The following PBRM1 variants were observed in gnomAD, a reference collection of about 807,000 sequenced individuals.
PBRM1 encodes polybromo 1.
In PBRM1, 27 loss-of-function variants were observed where a neutral mutation model predicts 194.5. The ratio of observed to expected loss-of-function variants is 0.14; its 90% CI spans 0.10 to 0.19. The LOEUF (loss-of-function observed/expected upper bound fraction) is 0.19. Ranked by LOEUF, PBRM1 falls within the 10% of genes least tolerant of loss-of-function variation. The pLI is 1.00. For synonymous variants in PBRM1, 655 were observed against 693.2 expected, an observed-to-expected ratio of 0.94 and a Z score of 0.87; for missense variants, 1,466 against 2,077.2, an observed-to-expected ratio of 0.71 and a Z score of 5.72.
At chr3:52,620,607 G>A (rs2153522801) in intron 13 of PBRM1, among the ~76,000 whole-genome samples, 1 of 152,232 alleles carries the variant, frequency 6.6e-6, no homozygotes, top group South Asian at 2.1e-4. Context: ...ATTAAATTTT[G>A]CCAGTGAAGT....
intron 29 of PBRM1, among the ~76,000 whole-genome samples, chr3:52,549,352 G>C (rs2080284861): frequency 6.6e-6 from 1 of 151,834 alleles, no homozygotes. Flanking sequence ...TTTTTGTAGA[G>C]ACGGGGTTTT....
chr3:52,635,537 G>A (rs1361325007), intron 10 of PBRM1, among the ~76,000 whole-genome samples: 2 of 152,122 alleles, frequency 1.3e-5, no homozygotes, highest in African/African-American at 4.8e-5. Context: ...CTGTACTCCA[G>A]CCTGGGTGAC....
At position 52,550,836 on chromosome 3, in the gene PBRM1, T is replaced by C; in HGVS notation, c.4610-19A>G. On this transcript the variant is annotated intron_variant, in intron 27 of 29. Transcript: ENST00000296302. ...ATCACACCTATAATTCAGAATGCAA[T>C]GGCACAGTTAGAGGCTCTGGGTTGA... 6.5e-7 allele frequency: 1 copy of C among 1,545,420 alleles called. No individual in the cohort carries two copies. The highest frequency in any genetic ancestry group is 8.9e-7 in the Non-Finnish European group (1 of 1,118,540).
chr3:52,623,717 G>A (rs1226739798), intron 13 of PBRM1, among the ~76,000 whole-genome samples: 1 of 152,120 alleles, frequency 6.6e-6, no homozygotes, highest in African/African-American at 2.4e-5. Flanking sequence ...TGAAGGTACT[G>A]TCATTAACTT....
At chr3:52,603,155 C>T (rs1276632116) in intron 17 of PBRM1, among the ~76,000 whole-genome samples, 1 of 152,212 alleles carries the variant, frequency 6.6e-6, no homozygotes, top group East Asian at 1.9e-4. Context: ...AGCAATGCTA[C>T]TGCATGATGT....
intron 17 of PBRM1, among the ~76,000 whole-genome samples, chr3:52,589,846 G>C (rs764676864): frequency 1.3e-5 from 2 of 151,236 alleles, no homozygotes; most frequent in African/African-American, 4.9e-5. Context: ...TATTTTTTTC[G>C]AGACGGAGTT....
intron 26 of PBRM1, 67 bp downstream of exon 28, chr3:52,558,182 A>T: frequency 8.2e-7 from 1 of 1,223,916 alleles, no homozygotes; most frequent in Non-Finnish European, 1.1e-6. Context: ...CCTACTCCTT[A>T]TTGGAGAAAA....
intron 2 of PBRM1, among the ~76,000 whole-genome samples, chr3:52,678,254 C>T (rs1009278321): frequency 6.6e-6 from 1 of 151,946 alleles, no homozygotes. Context: ...AGTGCATGCT[C>T]CTGTGCCTGG....
At chr3:52,545,952 A>G (rs1160579618), downstream of PBRM1, 1 of 232,884 alleles carries the variant, frequency 4.3e-6, no homozygotes. Context: ...TCTAAAATAA[A>G]TACACAGGCT....
At chr3:52,558,312 T>A in exon 26 of PBRM1, 1 of 1,549,878 alleles carries the variant, frequency 6.5e-7, no homozygotes, top group Non-Finnish European at 8.7e-7. Context: ...ACCACCCCCA[T>A]GAGAGCCCCC....
chr3:52,645,314 C>CT (rs1184588418), intron 7 of PBRM1, among the ~76,000 whole-genome samples: 3 of 151,036 alleles, frequency 2.0e-5, no homozygotes, highest in Non-Finnish European at 4.4e-5. Context: ...GCAGATTCAT[C>CT]TTTTTTTCTT....
intron 17 of PBRM1, among the ~76,000 whole-genome samples, chr3:52,597,699 C>T (rs1329440124): frequency 6.7e-6 from 1 of 148,944 alleles, no homozygotes; most frequent in African/African-American, 2.5e-5. Flanking sequence ...CGTGTGGTGG[C>T]ACATGCCTGT....
intron 20 of PBRM1, among the ~76,000 whole-genome samples, chr3:52,583,407 T>TA (rs1246561017): frequency 3.3e-4 from 47 of 142,388 alleles, no homozygotes; most frequent in Non-Finnish European, 4.6e-4. Flanking sequence ...AGACTCCATC[T>TA]AAAAAAAAAC....
chr3:52,561,699 G>A (rs2083576461), intron 25 of PBRM1, 68 bp downstream of exon 27: 7 of 1,339,252 alleles, frequency 5.2e-6, no homozygotes, highest in Non-Finnish European at 7.5e-6. Flanking sequence ...AGTAAAACCT[G>A]TCTGTGCGCG....
At chr3:52,661,519 G>C (rs562093786) in intron 4 of PBRM1, among the ~76,000 whole-genome samples, 134 of 152,296 alleles carry the variant, frequency 8.8e-4, no homozygotes, top group Non-Finnish European at 1.6e-3. Flanking sequence ...ACAACCCTGT[G>C]ATGACAGGGT....
At chr3:52,635,594 C>T (rs2095782189) in intron 10 of PBRM1, among the ~76,000 whole-genome samples, 1 of 151,914 alleles carries the variant, frequency 6.6e-6, no homozygotes, top group Admixed American at 6.6e-5. Context: ...AAAAAAACCT[C>T]TCAAATGTTT....
chr3:52,553,551 C>T (rs866794124), intron 27 of PBRM1, among the ~76,000 whole-genome samples: 4 of 145,020 alleles, frequency 2.8e-5, no homozygotes, highest in Admixed American at 7.0e-5. Context: ...TGCAGTGGTG[C>T]GATCACCACT....
At position 52,561,925 on chromosome 3, in the gene PBRM1, G is replaced by C. The variant is rs200783965; in HGVS notation, c.4130C>G (p.Ser1377Cys). ...GCCACTCATGTTGATTTTCCGTTTG[G>C]AGCCTTCCTTCTTTGCACTGCCTTT... The change falls in exon 25 of 30, where the codon TCC (serine) becomes TGC (cysteine). Residue 1377 changes from serine to cysteine, a missense_variant. Physicochemically the swap from Ser to Cys is moderately radical, Grantham distance 112 (BLOSUM62 -1). Around this residue, in one of 5 missense-constraint regions of PBRM1, gnomAD observed 687 missense variants for 946.2 expected, o/e 0.73. Coordinates refer to ENST00000296302, the Ensembl canonical transcript of PBRM1. 408 of 1,614,024 alleles carry C rather than the reference G, an allele frequency of 2.5e-4. 1 individual carries two copies. The highest frequency in any genetic ancestry group is 3.3e-4 in the Non-Finnish European group (390 of 1,180,034).
Position 52,645,334 on chromosome 3 carries a change from T to C in PBRM1, c.814-545A>G, listed in dbSNP as rs149801710. On this transcript the variant is annotated intron_variant, in intron 7 of 29. Coordinates refer to ENST00000296302, the Ensembl canonical transcript of PBRM1. ...TTCATCTTTTTTTCTTTCTTTCTTT[T>C]TTTTTTTTGGTGGAGACAGAGTCTT... is the stretch of plus-strand genomic sequence containing the variant. Among the ~76,000 whole-genome samples, 861 of 151,694 alleles carry C rather than the reference T, an allele frequency of 5.7e-3. 6 individuals are homozygous for C. Among genetic ancestry groups the C allele is most frequent in the South Asian group, 0.022 (108 of 4,800 alleles).
Sources: gnomAD v4.1 joint callset for allele counts (sites outside exome capture counted in the v4.1 genomes callset) on GRCh38, gnomAD v4.1.1 for gene constraint, gnomAD v4.1.1 regional missense constraint, MANE v1.5 for transcripts, NCBI Gene and HGNC (gene_info 2026-07-23, HGNC 2026-07-21) for gene names.